The following TENM2 variants were observed in gnomAD, a reference collection of about 807,000 sequenced individuals.
TENM2 encodes teneurin transmembrane protein 2.
Under a neutral mutation model 245.2 loss-of-function variants are expected in TENM2, and 52 were observed. That is an observed-to-expected ratio of 0.21 (90% confidence interval 0.17 to 0.27). The LOEUF (loss-of-function observed/expected upper bound fraction) is 0.27. Ranked by LOEUF, TENM2 falls within the 10% of genes least tolerant of loss-of-function variation. The probability of loss-of-function intolerance (pLI) is 1.00; values close to 1 mark genes in which losing one functional copy is unlikely to be tolerated. For missense variants in TENM2, 3,046 were observed against 3,666.8 expected (o/e 0.83, Z 4.37); for synonymous variants, 1,363 against 1,438.9 (o/e 0.95, Z 1.19).
chr5:168,113,512 T>G (rs1794843034), intron 9 of TENM2, among the ~76,000 whole-genome samples: 1 of 152,180 alleles, frequency 6.6e-6, no homozygotes. Context: ...TCTCCACGTA[T>G]TCTCTTTACT....
At chr5:168,226,171 T>C (rs1398176749) in exon 24 of TENM2, 1 of 1,613,634 alleles carries the variant, frequency 6.2e-7, no homozygotes, top group Non-Finnish European at 8.5e-7. Flanking sequence ...GAGAAATCTA[T>C]TACCATTGAC....
chr5:167,834,377 G>A (rs2052466), intron 2 of TENM2, among the ~76,000 whole-genome samples: 29,900 of 152,120 alleles, frequency 0.2, 4,301 homozygotes, highest in East Asian at 0.68. Flanking sequence ...ATGAATGGTA[G>A]ACTGTAGATG....
intron 15 of TENM2, among the ~76,000 whole-genome samples, chr5:168,196,083 A>G (rs1268341841): frequency 6.6e-6 from 1 of 152,180 alleles, no homozygotes; most frequent in African/African-American, 2.4e-5. Flanking sequence ...AACTGTGGCT[A>G]CCAATCTGAT....
rs544635918 is a variant in TENM2 at position 167,419,956 on chromosome 5, A to C, written c.502+44483A>C. On this transcript the variant is annotated intron_variant, in intron 2 of 28. Coordinates refer to ENST00000518659, the Ensembl canonical transcript of TENM2. The stretch of plus-strand genomic sequence containing the variant: ...GCAGAGAGCATGATTGGAACATTTC[A>C]ATGAGAATTTATTTGGCATAAAGGG... Among the ~76,000 whole-genome samples, 52 of 152,312 alleles carry C rather than the reference A, an allele frequency of 3.4e-4. 1 individual carries two copies. The highest frequency in any genetic ancestry group is 1.2e-3 in the African/African-American group (49 of 41,582).
chr5:168,182,633 T>G (rs896648115), intron 13 of TENM2, among the ~76,000 whole-genome samples: 1 of 152,074 alleles, frequency 6.6e-6, no homozygotes, highest in African/African-American at 2.4e-5. Flanking sequence ...CCTGGGCAAA[T>G]GGGGCAGGGC....
At chr5:168,003,490 G>A (rs1490367440) in intron 5 of TENM2, among the ~76,000 whole-genome samples, 2 of 152,118 alleles carry the variant, frequency 1.3e-5, no homozygotes, top group Non-Finnish European at 2.9e-5. Flanking sequence ...TAACTAGCAA[G>A]AGAAACTAGG....
chr5:167,894,954 GA>G (rs1775067378), intron 3 of TENM2, among the ~76,000 whole-genome samples: 2 of 118,114 alleles, frequency 1.7e-5, no homozygotes, highest in African/African-American at 6.2e-5. Flanking sequence ...AGGAAGGAAG[GA>G]AGGAAGGAAG....
chr5:168,190,340 G>A (rs1455213161), exon 14 of TENM2: 1 of 1,612,980 alleles, frequency 6.2e-7, no homozygotes, highest in East Asian at 2.2e-5. Flanking sequence ...CTTCCAGATG[G>A]CCTGGTGGAT....
intron 2 of TENM2, among the ~76,000 whole-genome samples, chr5:167,511,101 A>G (rs138254689): frequency 1.2e-3 from 178 of 152,308 alleles, no homozygotes; most frequent in Admixed American, 2.2e-3. Flanking sequence ...TTCTATACAT[A>G]AAGCACTGCA....
chr5:168,147,929 A>G (rs772148728), intron 12 of TENM2, among the ~76,000 whole-genome samples: 2 of 152,236 alleles, frequency 1.3e-5, no homozygotes, highest in African/African-American at 2.4e-5. Flanking sequence ...AATTGGGAAC[A>G]TGTACCAAGT....
intron 2 of TENM2, among the ~76,000 whole-genome samples, chr5:167,616,718 T>C (rs1411410223): frequency 6.6e-6 from 1 of 152,092 alleles, no homozygotes; most frequent in Non-Finnish European, 1.5e-5. Flanking sequence ...CTGTGATGAA[T>C]GTGAGGAAAC....
At chr5:167,283,210 ATTTTTT>A (rs112700134), upstream of TENM2, among the ~76,000 whole-genome samples, 1 of 148,782 alleles carries the variant, frequency 6.7e-6, no homozygotes. Flanking sequence ...GGCCCAGCGA[ATTTTTT>A]TTTTGTATTT....
chr5:167,082,781 A>G, the TENM2 span, among the ~76,000 whole-genome samples: 1 of 152,260 alleles, frequency 6.6e-6, no homozygotes, highest in African/African-American at 2.4e-5. Context: ...AGCTTTTTAA[A>G]AATTAATTTA....
At chr5:167,155,614 C>A in the TENM2 span, among the ~76,000 whole-genome samples, 1 of 152,166 alleles carries the variant, frequency 6.6e-6, no homozygotes, top group East Asian at 1.9e-4. Context: ...GTGATTCATG[C>A]CATAGAGCCG....
At chr5:167,181,400 T>C in the TENM2 span, among the ~76,000 whole-genome samples, 2 of 151,830 alleles carry the variant, frequency 1.3e-5, no homozygotes, top group Non-Finnish European at 2.9e-5. Flanking sequence ...TCAACACAAG[T>C]GTTTACATTT....
At chr5:166,980,673 G>A in the TENM2 span, among the ~76,000 whole-genome samples, 11 of 152,144 alleles carry the variant, frequency 7.2e-5, no homozygotes, top group Non-Finnish European at 1.5e-4. Flanking sequence ...TCAGTGTATA[G>A]TTGTAAAATT....
chr5:167,359,345 T>C (rs1759555790), intron 1 of TENM2, among the ~76,000 whole-genome samples: 1 of 152,166 alleles, frequency 6.6e-6, no homozygotes, highest in African/African-American at 2.4e-5. Context: ...CCAGGCATGC[T>C]CCTTCCTGAG....
chr5:167,819,091 C>T (rs899511558), intron 2 of TENM2, among the ~76,000 whole-genome samples: 19 of 151,476 alleles, frequency 1.3e-4, no homozygotes, highest in East Asian at 1.9e-4. Flanking sequence ...TGTGCGTGCG[C>T]GTTCTCTAAT....
At chr5:167,787,165 G>A (rs1216925740) in intron 2 of TENM2, among the ~76,000 whole-genome samples, 2 of 152,148 alleles carry the variant, frequency 1.3e-5, no homozygotes, top group African/African-American at 2.4e-5. Context: ...AGGAGATGGG[G>A]GGACTGGGAG....
Sources: allele counts gnomAD v4.1 joint callset (sites outside exome capture counted in the v4.1 genomes callset), GRCh38; gene constraint gnomAD v4.1.1; transcripts MANE v1.5; gene names NCBI Gene and HGNC (gene_info 2026-07-23, HGNC 2026-07-21).